CTDSPL: variants seen among roughly 807,000 people sequenced by gnomAD.
The protein encoded by CTDSPL is CTD small phosphatase-like protein.
CTDSPL carries 8 observed loss-of-function variants against 30.5 expected under a neutral mutation model. That is an observed-to-expected ratio of 0.26 (90% CI 0.15 to 0.47). CTDSPL has a LOEUF of 0.47. Ranked by LOEUF, CTDSPL falls within the 20% of genes least tolerant of loss-of-function variation. The pLI is 0.99. For synonymous variants in CTDSPL, 110 were observed against 137.9 expected (o/e 0.80, Z 1.42); for missense variants, 248 against 366.1 (o/e 0.68, Z 2.63).
intron 1 of CTDSPL, among the ~76,000 whole-genome samples, chr3:37,910,624 G>T (rs1158914577): frequency 6.6e-6 from 1 of 152,176 alleles, no homozygotes; most frequent in Non-Finnish European, 1.5e-5. Flanking sequence ...TGAATAATCT[G>T]CATGGAGTGT....
intron 5 of CTDSPL, chr3:37,969,306 G>A (rs1403270990): frequency 2.1e-6 from 1 of 467,212 alleles, no homozygotes; most frequent in East Asian, 6.8e-5. Context: ...GCTGTGCTGT[G>A]ATATCACAAG....
chr3:37,981,983 GGT>G lies in CTDSPL; in HGVS notation c.*1119_*1120del. 2.2e-6 allele frequency: 1 copy of G among 444,670 alleles called. No individual in the cohort carries two copies. Among genetic ancestry groups the G allele is most frequent in the Non-Finnish European group, 4.6e-6 (1 of 218,730 alleles). 27.5% of individuals were successfully genotyped at this position (444,670 alleles called of 1,614,324 possible). A position where few individuals can be genotyped will look rare whatever the true frequency, so the allele number is the denominator to read the frequency against. On this transcript the variant is annotated 3_prime_UTR_variant, in exon 8 of 8. Transcript: ENST00000273179. ...AAACTCGGACAGGGTCAGAAACAGAGGTGTCCCATCCCATTGCAGCCTCCACC... is the reference window on the plus strand; with the variant it reads ...AAACTCGGACAGGGTCAGAAACAGAGGTCCCATCCCATTGCAGCCTCCACC...
chr3:37,964,639 T>C lies in CTDSPL; in HGVS notation c.336T>C (p.Asp112=). The C allele has an allele frequency of 3.1e-6, 5 of 1,614,006 alleles. No homozygotes were observed. The highest frequency in any genetic ancestry group is 4.2e-6 in the Non-Finnish European group (5 of 1,179,908). Residue 112 remains aspartate, a synonymous_variant, in exon 4 of 8, where the codon GAT becomes GAC. Coordinates refer to ENST00000273179, the MANE Select transcript of CTDSPL (RefSeq NM_001008392.2). ...LDYGKKCVVI[D]LDETLVHSSF... is the part of the protein sequence containing the mutation. ...ATGGAAAGAAATGTGTGGTCATTGA[T>C]TTAGATGAAACATTGGTGCACAGTT...
At chr3:37,979,569 G>C (rs1575327692) in intron 7 of CTDSPL, among the ~76,000 whole-genome samples, 1 of 152,142 alleles carries the variant, frequency 6.6e-6, no homozygotes, top group East Asian at 1.9e-4. Context: ...CTCCAGCCTG[G>C]GCAACAAGAG....
At chr3:37,924,073 G>A (rs983446217) in intron 1 of CTDSPL, among the ~76,000 whole-genome samples, 1 of 152,232 alleles carries the variant, frequency 6.6e-6, no homozygotes, top group Non-Finnish European at 1.5e-5. Context: ...AAAACTGGGA[G>A]TGAGGACAAC....
intron 1 of CTDSPL, among the ~76,000 whole-genome samples, chr3:37,926,528 G>C (rs1698783262): frequency 6.6e-6 from 1 of 152,216 alleles, no homozygotes; most frequent in Non-Finnish European, 1.5e-5. Context: ...TTATTCAGTT[G>C]TGAACCAGTT....
Position 37,982,925 on chromosome 3 carries a change from C to G in CTDSPL, c.*2058C>G. On this transcript the variant is annotated 3_prime_UTR_variant, in exon 8 of 8. Coordinates refer to ENST00000273179, the MANE Select transcript of CTDSPL (RefSeq NM_001008392.2). ...GAGCCTTAGACCCTCAACCATGCCC[C>G]CTTCGTTGGCATCACAGGGCCTTAT... The G allele has an allele frequency of 4.7e-6, 1 of 212,728 alleles. No individual in the cohort carries two copies. The highest frequency in any genetic ancestry group is 5.9e-5 in the South Asian group (1 of 17,016). The allele number at this position is 212,728 out of a possible 1,614,324, so 13.2% of individuals were successfully genotyped here.
intron 1 of CTDSPL, among the ~76,000 whole-genome samples, chr3:37,934,527 C>T (rs748152210): frequency 2.6e-5 from 4 of 152,130 alleles, no homozygotes; most frequent in Admixed American, 6.5e-5. Context: ...CCAGAAATAG[C>T]CACACTCAAC....
chr3:37,935,148 C>T (rs750727080), intron 1 of CTDSPL, among the ~76,000 whole-genome samples: 8 of 152,202 alleles, frequency 5.3e-5, no homozygotes, highest in Admixed American at 3.3e-4. Flanking sequence ...CTCTGTTGGA[C>T]ATTCATATTG....
rs115354429 is a variant in CTDSPL at position 37,887,226 on chromosome 3, G to A, written c.79+24948G>A. On this transcript the variant is annotated intron_variant, in intron 1 of 7. Coordinates refer to ENST00000273179, the MANE Select transcript of CTDSPL (RefSeq NM_001008392.2). ...TATTGAGCATAGTAGAATTCTTGTGGGAAACGCTCCGTTTGTCAAGGTGTT... is the reference window on the plus strand; with the variant it reads ...TATTGAGCATAGTAGAATTCTTGTGAGAAACGCTCCGTTTGTCAAGGTGTT... Among the ~76,000 whole-genome samples, 634 of 152,284 alleles carry A rather than the reference G, an allele frequency of 4.2e-3. 2 individuals carry two copies. Among genetic ancestry groups the A allele is most frequent in the African/African-American group, 0.014 (595 of 41,546 alleles).
At chr3:37,950,569 C>G (rs1050793772) in intron 2 of CTDSPL, among the ~76,000 whole-genome samples, 2 of 152,234 alleles carry the variant, frequency 1.3e-5, no homozygotes, top group Middle Eastern at 3.4e-3. Flanking sequence ...ACAATTCAGA[C>G]CAGAAACACA....
intron 1 of CTDSPL, among the ~76,000 whole-genome samples, chr3:37,887,223 G>A (rs1330587141): frequency 6.6e-6 from 1 of 152,204 alleles, no homozygotes; most frequent in African/African-American, 2.4e-5. Flanking sequence ...TAGAATTCTT[G>A]TGGGAAACGC....
chr3:37,963,288 G>A (rs1699263405), intron 3 of CTDSPL, among the ~76,000 whole-genome samples: 1 of 152,194 alleles, frequency 6.6e-6, no homozygotes, highest in Non-Finnish European at 1.5e-5. Flanking sequence ...CTGCCAAGGT[G>A]ATCATTGTAC....
At chr3:37,863,081 G>T (rs1000401028) in intron 1 of CTDSPL, among the ~76,000 whole-genome samples, 7 of 152,166 alleles carry the variant, frequency 4.6e-5, no homozygotes, top group Non-Finnish European at 1.0e-4. Context: ...GCTGGAGTCT[G>T]GGGGGGAGAA....
intron 1 of CTDSPL, among the ~76,000 whole-genome samples, chr3:37,917,025 G>A (rs919922789): frequency 7.9e-5 from 12 of 152,296 alleles, no homozygotes; most frequent in South Asian, 2.1e-4. Context: ...TTCTAGTGTC[G>A]TAGGTATAAG....
chr3:37,913,224 G>A (rs1698603477), intron 1 of CTDSPL, among the ~76,000 whole-genome samples: 1 of 152,186 alleles, frequency 6.6e-6, no homozygotes, highest in African/African-American at 2.4e-5. Context: ...GGAGGCTGAG[G>A]TGGGAGGATC....
chr3:37,953,659 G>A (rs1219459797), intron 2 of CTDSPL, among the ~76,000 whole-genome samples: 1 of 152,154 alleles, frequency 6.6e-6, no homozygotes, highest in Non-Finnish European at 1.5e-5. Context: ...AAATTCAGAA[G>A]CATTAAACAG....
At chr3:37,973,352 T>C (rs1280419831) in intron 6 of CTDSPL, among the ~76,000 whole-genome samples, 1 of 152,220 alleles carries the variant, frequency 6.6e-6, no homozygotes, top group African/African-American at 2.4e-5. Context: ...CTGTTTTTTG[T>C]TTGGGAAAAT....
chr3:37,979,314 A>G (rs1000932856), intron 7 of CTDSPL, among the ~76,000 whole-genome samples: 1 of 151,970 alleles, frequency 6.6e-6, no homozygotes, highest in Non-Finnish European at 1.5e-5. Context: ...AAAAAAAGAA[A>G]AAAAAAAGGC....
Sources: allele counts gnomAD v4.1 joint callset (sites outside exome capture counted in the v4.1 genomes callset), GRCh38; gene constraint gnomAD v4.1.1; transcripts MANE v1.5; gene names NCBI Gene and HGNC (gene_info 2026-07-23, HGNC 2026-07-21).